Variants in PITPNM3 observed in about 807,000 individuals in gnomAD.
The protein encoded by PITPNM3 is membrane-associated phosphatidylinositol transfer protein 3.
PITPNM3 carries 26 observed loss-of-function variants against 102.0 expected under a neutral mutation model. The ratio of observed to expected loss-of-function variants is 0.25; its 90% CI spans 0.19 to 0.35. PITPNM3 has a LOEUF of 0.35. Ranked by LOEUF, PITPNM3 falls within the 10% of genes least tolerant of loss-of-function variation. The probability of loss-of-function intolerance (pLI) is 1.00; values close to 1 mark genes in which losing one functional copy is unlikely to be tolerated. For missense variants in PITPNM3, 1,083 were observed against 1,346.1 expected, an observed-to-expected ratio of 0.80 and a Z score of 3.06; for synonymous variants, 578 against 558.6, an observed-to-expected ratio of 1.03 and a Z score of -0.49.
At chr17:6,543,066 G>C (rs1194231734) in intron 1 of PITPNM3, among the ~76,000 whole-genome samples, 2 of 152,112 alleles carry the variant, frequency 1.3e-5, no homozygotes, top group African/African-American at 2.4e-5. Flanking sequence ...GAAAGAGAAG[G>C]GGAATATCCC....
chr17:6,474,283 C>G (rs148787345), intron 10 of PITPNM3, 149 bp downstream of exon 10: 1 of 1,136,314 alleles, frequency 8.8e-7, no homozygotes. Context: ...CCCTCCTCTT[C>G]CCCACCCTCT....
At position 6,556,106 on chromosome 17, in the gene PITPNM3, C is replaced by T. The variant is rs961334751; in HGVS notation, c.22+279G>A. ...GCGGGGTGCAGAGGGCTCCCAACGG[C>T]GGGACTGGCCCGGGGCGCCGCAGAC... On this transcript the variant is annotated intron_variant, in intron 1 of 19. Coordinates refer to ENST00000262483, the MANE Select transcript of PITPNM3 (RefSeq NM_031220.4). This position sits in a 1 kb window ranked among gnomAD's most constrained non-coding sequence, Gnocchi z 5.2. Among the ~76,000 whole-genome samples, 6 of 151,738 alleles carry T rather than the reference C, an allele frequency of 4.0e-5. No individual in the cohort carries two copies. The highest frequency in any genetic ancestry group is 8.8e-5 in the Non-Finnish European group (6 of 67,908).
intron 11 of PITPNM3, 79 bp from the exon 12 acceptor site, chr17:6,471,434 G>C: frequency 7.4e-7 from 1 of 1,343,660 alleles, no homozygotes; most frequent in Non-Finnish European, 1.0e-6. Context: ...CCCATGCTGG[G>C]AGGGAGGCTG....
At chr17:6,485,369 G>T (rs995595109) in intron 4 of PITPNM3, among the ~76,000 whole-genome samples, 2 of 151,668 alleles carry the variant, frequency 1.3e-5, no homozygotes, top group African/African-American at 4.8e-5. Flanking sequence ...TGTTGCTCAG[G>T]CTGGTCTCAA....
At chr17:6,510,920 A>G (rs1041284827) in intron 3 of PITPNM3, among the ~76,000 whole-genome samples, 4 of 152,254 alleles carry the variant, frequency 2.6e-5, no homozygotes, top group African/African-American at 9.6e-5. Context: ...GCATGAGCCC[A>G]GGGATCTCTC....
At position 6,478,406 on chromosome 17, in the gene PITPNM3, A is replaced by T; in HGVS notation, c.777+141T>A. 9.1e-7 allele frequency: 1 copy of T among 1,103,334 alleles called. No homozygotes were observed. The highest frequency in any genetic ancestry group is 1.3e-6 in the Non-Finnish European group (1 of 751,454). The allele number at this position is 1,103,334 out of a possible 1,614,324, so 68.3% of individuals were successfully genotyped here. ...CTATCTGTAAAATGAGGGCTAACTC[A>T]GAGATCTCAAAAGCCACCTTTGGGC... On this transcript the variant is annotated intron_variant, in intron 7 of 19. Transcript: ENST00000262483. This position sits in a 1 kb window ranked among gnomAD's most constrained non-coding sequence, Gnocchi z 4.4.
intron 4 of PITPNM3, among the ~76,000 whole-genome samples, chr17:6,501,477 C>T (rs751446662): frequency 7.9e-5 from 12 of 152,166 alleles, no homozygotes; most frequent in Non-Finnish European, 1.8e-4. Flanking sequence ...ACTTCCCTGG[C>T]CCTAAATCAA....
chr17:6,451,950 G>T lies in PITPNM3; in HGVS notation c.*3388C>A, dbSNP rs1913867997. On this transcript the variant is annotated 3_prime_UTR_variant, in exon 20 of 20. Transcript: ENST00000262483. Reference sequence around the variant, plus strand: ...GGCGGGGTCAGGGCACCCCTCCCGGGGCTGCACCTGGGCTAGGGGGGAGAG... The same window carrying T: ...GGCGGGGTCAGGGCACCCCTCCCGGTGCTGCACCTGGGCTAGGGGGGAGAG... 7.0e-6 allele frequency: 1 copy of T among 142,492 alleles called. No individual in the cohort carries two copies. The highest frequency in any genetic ancestry group is 7.6e-5 in the Admixed American group (1 of 13,172). 8.8% of individuals were successfully genotyped at this position (142,492 alleles called of 1,614,324 possible). A position where few individuals can be genotyped will look rare whatever the true frequency, so the allele number is the denominator to read the frequency against.
At chr17:6,508,234 C>A (rs1471938831) in intron 3 of PITPNM3, among the ~76,000 whole-genome samples, 1 of 152,210 alleles carries the variant, frequency 6.6e-6, no homozygotes, top group Admixed American at 6.5e-5. Context: ...CTCTGGGACT[C>A]CTCAAAGCCA....
At chr17:6,495,323 C>A (rs2150597039) in intron 4 of PITPNM3, among the ~76,000 whole-genome samples, 2 of 152,224 alleles carry the variant, frequency 1.3e-5, no homozygotes, top group East Asian at 1.9e-4. Flanking sequence ...CCAGCTCTGG[C>A]TCCTTTGCCT....
Position 6,504,512 on chromosome 17 carries a change from G to A in PITPNM3, c.227-938C>T, listed in dbSNP as rs556572149. Reference sequence around the variant, plus strand: ...CCTGAATCCTGGGGTCATGGCCCCCGGGCTCTCTCAAAAGCAGGCAGGGGT... The same window carrying A: ...CCTGAATCCTGGGGTCATGGCCCCCAGGCTCTCTCAAAAGCAGGCAGGGGT... On this transcript the variant is annotated intron_variant, in intron 3 of 19. Coordinates refer to ENST00000262483, the MANE Select transcript of PITPNM3 (RefSeq NM_031220.4). Among the ~76,000 whole-genome samples, 323 of 152,272 alleles carry A rather than the reference G, an allele frequency of 2.1e-3. 1 individual carries two copies. Among genetic ancestry groups the A allele is most frequent in the Non-Finnish European group, 2.9e-3 (195 of 68,020 alleles).
intron 19 of PITPNM3, among the ~76,000 whole-genome samples, chr17:6,456,392 G>A (rs1025546072): frequency 6.6e-6 from 1 of 152,006 alleles, no homozygotes; most frequent in Non-Finnish European, 1.5e-5. Context: ...CTCCCGTCAC[G>A]CAGCCTCACC....
chr17:6,459,888 A>G lies in PITPNM3; in HGVS notation c.2490+1485T>C, dbSNP rs1299133935. 1.3e-5 allele frequency among the ~76,000 whole-genome samples: 2 copies of G among 151,848 alleles called. No individual in the cohort carries two copies. Among genetic ancestry groups the G allele is most frequent in the East Asian group, 3.9e-4 (2 of 5,166 alleles). Reference sequence around the variant, plus strand: ...CTGTCCATGTTTTTCTCTCCATCCCATACCCATCATCGCCTGGATTATGGT... The same window carrying G: ...CTGTCCATGTTTTTCTCTCCATCCCGTACCCATCATCGCCTGGATTATGGT... On this transcript the variant is annotated intron_variant, in intron 18 of 19. Coordinates refer to ENST00000262483, the MANE Select transcript of PITPNM3 (RefSeq NM_031220.4). This position sits in a 1 kb window ranked among gnomAD's most constrained non-coding sequence, Gnocchi z 5.0.
chr17:6,464,823 T>C, intron 14 of PITPNM3, 52 bp from the exon 15 acceptor site: 1 of 1,552,800 alleles, frequency 6.4e-7, no homozygotes, highest in Non-Finnish European at 8.9e-7. Context: ...GGCTCAACCT[T>C]GCTTTATCAT....
Position 6,472,803 on chromosome 17 carries a change from C to T in PITPNM3, c.1283G>A (p.Ser428Asn), listed in dbSNP as rs1246151536. The T allele has an allele frequency of 8.1e-6, 13 of 1,614,030 alleles. No homozygotes were observed. Among genetic ancestry groups the T allele is most frequent in the Non-Finnish European group, 9.3e-6 (11 of 1,180,010 alleles). ...GCAATGGAAGAAGCTGTAGACCTGG[C>T]TGCAGGCAGGACGCACCTGGAAGCC... is the stretch of plus-strand genomic sequence containing the variant. ...LDGFQVRPACSQVYSFFHCAD... is the reference protein window; with the variant it reads ...LDGFQVRPACNQVYSFFHCAD... Residue 428 changes from serine (S) to asparagine (N), a missense_variant, in exon 11 of 20, where the codon AGC becomes AAC. Physicochemically the swap from Ser to Asn is conservative, Grantham distance 46 (BLOSUM62 1). Coordinates refer to ENST00000262483, the MANE Select transcript of PITPNM3 (RefSeq NM_031220.4). The surrounding 1 kb of genome is among the most constrained non-coding windows in gnomAD (Gnocchi z 4.1).
intron 2 of PITPNM3, among the ~76,000 whole-genome samples, chr17:6,529,343 C>T (rs550393339): frequency 1.3e-5 from 2 of 152,108 alleles, no homozygotes; most frequent in African/African-American, 2.4e-5. Context: ...ACCTGTAATC[C>T]CAGCACTTTG....
chr17:6,503,276 G>A (rs1285989427), intron 4 of PITPNM3, among the ~76,000 whole-genome samples: 1 of 152,188 alleles, frequency 6.6e-6, no homozygotes, highest in East Asian at 1.9e-4. Flanking sequence ...AGTCCCCAGA[G>A]AGGGGGACAT....
In PITPNM3 at chr17:6,483,728, T is replaced by C. The variant is rs1162770963; in HGVS notation, c.376A>G (p.Lys126Glu). ...AGGACCAGCAGGAGGACATGTGTCT[T>C]GCAGGAGCGCTGCGGGCAGCCTTCC... Reference protein sequence around the residue: ...SEEGCPQRSCKTHVLLLVLHG... With the variant: ...SEEGCPQRSCETHVLLLVLHG... The change falls in exon 6 of 20, where the codon AAG becomes GAG. Residue 126 changes from lysine to glutamate, a missense_variant. By Grantham distance (56) the Lys-to-Glu change is moderately conservative. Transcript: ENST00000262483. 1.2e-6 allele frequency: 2 copies of C among 1,613,604 alleles called. No homozygotes were observed. The highest frequency in any genetic ancestry group is 2.2e-5 in the East Asian group (1 of 44,852).
intron 3 of PITPNM3, among the ~76,000 whole-genome samples, chr17:6,511,954 AG>A (rs1312377208): frequency 2.6e-4 from 39 of 152,210 alleles, no homozygotes; most frequent in Admixed American, 2.4e-3. Flanking sequence ...CAAAAAAGAA[AG>A]GTCTGTGGCC....
Sources: gnomAD v4.1 joint callset for allele counts (sites outside exome capture counted in the v4.1 genomes callset) on GRCh38, gnomAD v4.1.1 for gene constraint, Gnocchi (gnomAD v3.1) non-coding constraint, MANE v1.5 for transcripts, NCBI Gene and HGNC (gene_info 2026-07-23, HGNC 2026-07-21) for gene names.